The following ACSM3 variants were observed in gnomAD, a reference collection of about 807,000 sequenced individuals.
ACSM3 encodes acyl-coenzyme A synthetase ACSM3, mitochondrial.
A neutral mutation model predicts 74.1 loss-of-function variants in ACSM3; 61 were observed. The observed-to-expected ratio is 0.82, with a 90% CI of 0.67 to 1.02. The LOEUF (loss-of-function observed/expected upper bound fraction) is 1.02. Among genes scored for constraint, ACSM3 ranks in the 50% least tolerant of loss-of-function variants. ACSM3 has a pLI of 0.00. For synonymous variants in ACSM3, 213 were observed against 241.5 expected (o/e 0.88, Z 1.09); for missense variants, 660 against 697.0 (o/e 0.95, Z 0.60).
chr16:20,737,126 C>A (rs763418533), intron 1 of ACSM3: 17 of 1,614,146 alleles, frequency 1.1e-5, no homozygotes, highest in Non-Finnish European at 1.4e-5. Flanking sequence ...GTGACGGATC[C>A]TTAGGGCTCT....
intron 1 of ACSM3, among the ~76,000 whole-genome samples, chr16:20,727,824 G>C: frequency 6.6e-6 from 1 of 152,154 alleles, no homozygotes; most frequent in East Asian, 1.9e-4. Flanking sequence ...GGAGTCTAAG[G>C]AGTAGTTTTC....
intron 1 of ACSM3, among the ~76,000 whole-genome samples, chr16:20,709,461 G>A (rs2079736898): frequency 1.3e-5 from 2 of 152,306 alleles, no homozygotes; most frequent in South Asian, 4.1e-4. Context: ...AGTGTATGCA[G>A]TAAAGCCTAA....
intron 1 of ACSM3, among the ~76,000 whole-genome samples, chr16:20,696,569 T>C (rs577271231): frequency 1.2e-4 from 19 of 152,380 alleles, no homozygotes; most frequent in Non-Finnish European, 2.5e-4. Context: ...TTAGATACTA[T>C]TGGAGATTAA....
chr16:20,742,057 C>T (rs1252015929), intron 1 of ACSM3: 5 of 1,372,868 alleles, frequency 3.6e-6, no homozygotes, highest in Non-Finnish European at 4.7e-6. Context: ...CATATAGCTT[C>T]TTCCACCCAA....
intron 1 of ACSM3, chr16:20,738,344 TA>T (rs879036790): frequency 2.7e-5 from 11 of 409,540 alleles, no homozygotes; most frequent in South Asian, 1.8e-4. Context: ...TGAGTCACTT[TA>T]AAAGATGTAA....
At chr16:20,745,208 TAGG>T (rs1352716808) in intron 1 of ACSM3, among the ~76,000 whole-genome samples, 1 of 152,202 alleles carries the variant, frequency 6.6e-6, no homozygotes, top group Non-Finnish European at 1.5e-5. Flanking sequence ...TTCACCTCCT[TAGG>T]TTACCTCCCA....
intron 1 of ACSM3, chr16:20,729,280 T>G: frequency 7.4e-7 from 1 of 1,346,390 alleles, no homozygotes; most frequent in Non-Finnish European, 1.1e-6. Flanking sequence ...TTTATGTCAC[T>G]GGAGACAGAG....
intron 10 of ACSM3, among the ~76,000 whole-genome samples, chr16:20,791,525 C>T (rs564118683): frequency 3.5e-4 from 53 of 152,314 alleles, no homozygotes; most frequent in Non-Finnish European, 4.6e-4. Context: ...TTTCTTCTGT[C>T]GGGCTAGCTC....
chr16:20,770,214 T>G lies in ACSM3; in HGVS notation c.180T>G (p.Phe60Leu). Reference sequence around the variant, plus strand: ...TGGGGATTCCAGAGTATTTCAACTTTGCTAAAGATGTCCTGGACCAATGGA... The same window carrying G: ...TGGGGATTCCAGAGTATTTCAACTTGGCTAAAGATGTCCTGGACCAATGGA... ...FKLGIPEYFN[F>L]AKDVLDQWTD... Residue 60 changes from phenylalanine to leucine, a missense_variant, in exon 2 of 14, where the codon TTT (phenylalanine) becomes TTG (leucine). Phe to Leu is a conservative substitution (Grantham distance 22). Coordinates refer to ENST00000289416, the MANE Select transcript of ACSM3 (RefSeq NM_005622.4). 8 of 1,614,184 alleles carry G rather than the reference T, an allele frequency of 5.0e-6. No homozygotes were observed. Among genetic ancestry groups the G allele is most frequent in the Non-Finnish European group, 6.8e-6 (8 of 1,180,020 alleles).
At chr16:20,695,921 G>C (rs957424939) in intron 1 of ACSM3, among the ~76,000 whole-genome samples, 1 of 152,110 alleles carries the variant, frequency 6.6e-6, no homozygotes, top group African/African-American at 2.4e-5. Flanking sequence ...CATGTACACT[G>C]TAGTCATGTG....
intron 1 of ACSM3, among the ~76,000 whole-genome samples, chr16:20,676,868 T>TA (rs931329133): frequency 6.6e-5 from 10 of 150,454 alleles, no homozygotes; most frequent in South Asian, 2.1e-4. Flanking sequence ...GGCCATGGTA[T>TA]AAAAAAAAAC....
intron 9 of ACSM3, among the ~76,000 whole-genome samples, chr16:20,787,693 C>G (rs1434764599): frequency 6.6e-6 from 1 of 152,146 alleles, no homozygotes; most frequent in African/African-American, 2.4e-5. Flanking sequence ...TCACTTTAAC[C>G]TTGCTGTGGA....
At chr16:20,705,441 G>T (rs2079724470) in intron 1 of ACSM3, among the ~76,000 whole-genome samples, 1 of 150,816 alleles carries the variant, frequency 6.6e-6, no homozygotes, top group South Asian at 2.1e-4. Flanking sequence ...ATTAGGAAAA[G>T]TCTACCTTTG....
chr16:20,714,263 T>C (rs993220813), intron 1 of ACSM3, among the ~76,000 whole-genome samples: 25 of 150,742 alleles, frequency 1.7e-4, no homozygotes, highest in African/African-American at 5.6e-4. Context: ...CAGTTTGGGC[T>C]AGCTAGAGAA....
In ACSM3 at chr16:20,797,083, T is replaced by C; in HGVS notation, c.*111T>C. The C allele has an allele frequency of 7.0e-7, 1 of 1,432,200 alleles. No individual in the cohort carries two copies. Among genetic ancestry groups the C allele is most frequent in the Non-Finnish European group, 9.1e-7 (1 of 1,096,806 alleles). 88.7% of individuals were successfully genotyped at this position (1,432,200 alleles called of 1,614,324 possible). Reference sequence around the variant, plus strand: ...AAACTGTGGTAGTATGCTTAGAAACTGTTGATTTAAAATATCTTGTGGTTA... The same window carrying C: ...AAACTGTGGTAGTATGCTTAGAAACCGTTGATTTAAAATATCTTGTGGTTA... On this transcript the variant is annotated 3_prime_UTR_variant, in exon 14 of 14. Transcript: ENST00000289416.
chr16:20,682,539 C>T (rs537607064), intron 1 of ACSM3: 14 of 1,149,072 alleles, frequency 1.2e-5, no homozygotes, highest in African/African-American at 6.0e-5. Context: ...TTGTCTGCAT[C>T]GAAATACCCT....
chr16:20,761,099 ATT>A (rs74552915), upstream of ACSM3, among the ~76,000 whole-genome samples: 117 of 146,718 alleles, frequency 8.0e-4, no homozygotes, highest in Non-Finnish European at 1.6e-3. Flanking sequence ...ATGTATACAC[ATT>A]TTTTTTTTTT....
In ACSM3 at chr16:20,781,784, C is replaced by T. The variant is rs199802576; in HGVS notation, c.1016C>T (p.Thr339Ile). Residue 339 changes from threonine to isoleucine, a missense_variant, in exon 7 of 14, where the codon ACC (threonine) becomes ATC (isoleucine). Transcript: ENST00000289416. Reference protein sequence around the residue: ...VYRMLVQNDITSYKFKSLKHC... With the variant: ...VYRMLVQNDIISYKFKSLKHC... ...CGAATGCTTGTACAGAATGATATAA[C>T]CAGGTAAGAAATGTTAGTAAATAGG... 1.9e-6 allele frequency: 3 copies of T among 1,603,808 alleles called. No homozygotes were observed. The Admixed American group carries it at 5.0e-5, about 27-fold the overall frequency.
At chr16:20,683,987 C>A (rs1268791922) in intron 1 of ACSM3, among the ~76,000 whole-genome samples, 3 of 152,106 alleles carry the variant, frequency 2.0e-5, no homozygotes, top group Non-Finnish European at 4.4e-5. Context: ...GAATGAATCA[C>A]CTATTTTATT....
Sources: allele counts gnomAD v4.1 joint callset (sites outside exome capture counted in the v4.1 genomes callset), GRCh38; gene constraint gnomAD v4.1.1; transcripts MANE v1.5; gene names NCBI Gene and HGNC (gene_info 2026-07-23, HGNC 2026-07-21).